Variants in ABI1 observed in about 807,000 individuals in gnomAD.
The protein encoded by ABI1 is abl interactor 1.
In ABI1, 14 loss-of-function variants were observed where a neutral mutation model predicts 54.6. That is an observed-to-expected ratio of 0.26 (90% CI 0.17 to 0.40). The LOEUF is 0.40. ABI1 is among the 10% of genes least tolerant of loss of function. The pLI, the probability that ABI1 is intolerant of heterozygous loss-of-function variation, is 1.00. For synonymous variants in ABI1, 194 were observed against 209.3 expected (o/e 0.93, Z 0.63); for missense variants, 443 against 598.3 (o/e 0.74, Z 2.71).
Position 26,773,215 on chromosome 10 carries a change from C to CTTTTTTTTTTT in ABI1, c.463-2137_463-2127dup, listed in dbSNP as rs58739177. 3.4e-3 allele frequency among the ~76,000 whole-genome samples: 317 copies of CTTTTTTTTTTT among 92,444 alleles called. 69 individuals are homozygous for CTTTTTTTTTTT. Among genetic ancestry groups the CTTTTTTTTTTT allele is most frequent in the Middle Eastern group, 0.013 (2 of 160 alleles). The allele number at this position is 92,444 out of a possible 152,430, so 60.6% of individuals were successfully genotyped here. A position where few individuals can be genotyped will look rare whatever the true frequency, so the allele number is the denominator to read the frequency against. Reference sequence around the variant, plus strand: ...AGGCACTAAATGTCTAATGCTAATTCTTTTTTTTTTTTTGCTGGCTCTGTT... The same window carrying CTTTTTTTTTTT: ...AGGCACTAAATGTCTAATGCTAATTCTTTTTTTTTTTTTTTTTTTTTTTTGCTGGCTCTGTT... On this transcript the variant is annotated intron_variant, in intron 3 of 10. Transcript: ENST00000376140.
chr10:26,820,584 T>C (rs1251707708), intron 2 of ABI1, among the ~76,000 whole-genome samples: 1 of 146,544 alleles, frequency 6.8e-6, no homozygotes, highest in East Asian at 1.9e-4. Flanking sequence ...ATACAGCTAA[T>C]GCACTTTTTT....
chr10:26,801,373 C>A (rs1355521677), intron 2 of ABI1, among the ~76,000 whole-genome samples: 1 of 151,934 alleles, frequency 6.6e-6, no homozygotes, highest in East Asian at 1.9e-4. Context: ...ATGGCAAAAC[C>A]CTGTCTCTAC....
At chr10:26,817,494 G>C (rs1022652899) in intron 2 of ABI1, among the ~76,000 whole-genome samples, 1 of 152,092 alleles carries the variant, frequency 6.6e-6, no homozygotes, top group Non-Finnish European at 1.5e-5. Context: ...AAAATAAGCT[G>C]GGCACAATGG....
At chr10:26,808,838 C>G (rs2047040542) in intron 2 of ABI1, among the ~76,000 whole-genome samples, 1 of 148,388 alleles carries the variant, frequency 6.7e-6, no homozygotes, top group African/African-American at 2.5e-5. Flanking sequence ...GGGGAGGGGA[C>G]AGGGAGGGGA....
chr10:26,849,123 G>C (rs576179064), intron 1 of ABI1, among the ~76,000 whole-genome samples: 3 of 152,132 alleles, frequency 2.0e-5, no homozygotes, highest in Admixed American at 2.0e-4. Flanking sequence ...ACCTTTACAG[G>C]GGGTCCACGA....
At chr10:26,755,802 A>G in intron 8 of ABI1, 61 bp from the exon 9 acceptor site, 4 of 1,250,008 alleles carry the variant, frequency 3.2e-6, no homozygotes, top group Non-Finnish European at 4.6e-6. Context: ...AAGGAAACAA[A>G]CAAAAAGCAG....
chr10:26,834,019 A>G (rs558132122), intron 1 of ABI1, among the ~76,000 whole-genome samples: 1 of 152,258 alleles, frequency 6.6e-6, no homozygotes, highest in East Asian at 1.9e-4. Flanking sequence ...ACCTGAGGTC[A>G]GGAGTTTTGA....
rs2051190231 is a variant in ABI1, at chr10:26,860,233, C to T, written c.117+514G>A. ...AACTGACATAATCGCCCCCACCCCA[C>T]CCTCCGCCGACACACAACACACACC... On this transcript the variant is annotated intron_variant, in intron 1 of 10. Transcript: ENST00000376140. The surrounding 1 kb of genome is among the most constrained non-coding windows in gnomAD (Gnocchi z 4.1). Among the ~76,000 whole-genome samples, 1 of 152,134 alleles carries T rather than the reference C, an allele frequency of 6.6e-6. No individual in the cohort carries two copies.
chr10:26,771,871 A>G (rs1840737032), intron 3 of ABI1, among the ~76,000 whole-genome samples: 1 of 152,188 alleles, frequency 6.6e-6, no homozygotes, highest in Non-Finnish European at 1.5e-5. Context: ...AAAGCTGACT[A>G]GCCTACACAA....
In ABI1 at chr10:26,769,473, AT is replaced by A. The variant is rs925501497; in HGVS notation, c.579-482del. On this transcript the variant is annotated intron_variant, in intron 5 of 10. Transcript: ENST00000376140. Reference sequence around the variant, plus strand: ...TTCGACTATTCTGTTTAATAACTTCATTTTTTTTTTCAGGGGCAGAGGGTTT... The same window carrying A: ...TTCGACTATTCTGTTTAATAACTTCATTTTTTTTTCAGGGGCAGAGGGTTT... Among the ~76,000 whole-genome samples, 369 of 149,648 alleles carry A rather than the reference AT, an allele frequency of 2.5e-3. 3 individuals are homozygous for A. The highest frequency in any genetic ancestry group is 2.7e-3 in the African/African-American group (111 of 40,906).
At chr10:26,858,250 C>T (rs1044002702) in intron 1 of ABI1, among the ~76,000 whole-genome samples, 8 of 152,090 alleles carry the variant, frequency 5.3e-5, no homozygotes, top group African/African-American at 1.7e-4. Context: ...CCTCAACAGA[C>T]ACCCTAATGG....
At chr10:26,822,706 G>A (rs2048060730) in intron 2 of ABI1, among the ~76,000 whole-genome samples, 1 of 152,110 alleles carries the variant, frequency 6.6e-6, no homozygotes, top group Non-Finnish European at 1.5e-5. Flanking sequence ...CAAGAGGGAG[G>A]GATTACGTAG....
chr10:26,776,974 T>G, intron 3 of ABI1, 91 bp downstream of exon 3: 1 of 1,137,388 alleles, frequency 8.8e-7, no homozygotes, highest in Non-Finnish European at 1.2e-6. Context: ...CTAAAGAGAA[T>G]CTATTAAAAT....
chr10:26,760,154 ACTT>A (rs1440149241), intron 7 of ABI1, among the ~76,000 whole-genome samples: 8 of 152,118 alleles, frequency 5.3e-5, no homozygotes, highest in Non-Finnish European at 1.2e-4. Context: ...AAATATTAAT[ACTT>A]AACATTGTAT....
At chr10:26,828,965 G>A (rs1432219624) in intron 1 of ABI1, among the ~76,000 whole-genome samples, 1 of 152,184 alleles carries the variant, frequency 6.6e-6, no homozygotes, top group South Asian at 2.1e-4. Context: ...GGTGGCTCAC[G>A]CCTGTAATCC....
rs750318093 is a variant in ABI1 at position 26,819,758 on chromosome 10, G to A, written c.285+3380C>T. On this transcript the variant is annotated intron_variant, in intron 2 of 10. Transcript: ENST00000376140. Reference sequence around the variant, plus strand: ...TAGCCAAGACACAGCATCAATCTAGGTGTCTATCAATGGATGAATAGGAAA... The same window carrying A: ...TAGCCAAGACACAGCATCAATCTAGATGTCTATCAATGGATGAATAGGAAA... 7.8e-4 allele frequency among the ~76,000 whole-genome samples: 119 copies of A among 152,138 alleles called. 3 individuals are homozygous for A. Among genetic ancestry groups the A allele is most frequent in the Non-Finnish European group, 1.6e-4 (11 of 68,030 alleles).
intron 7 of ABI1, among the ~76,000 whole-genome samples, chr10:26,759,527 T>C (rs1838829037): frequency 1.3e-5 from 2 of 152,154 alleles, no homozygotes; most frequent in Admixed American, 6.6e-5. Context: ...ATATGATATA[T>C]AAATTTTTTG....
At chr10:26,853,234 C>CAAAA (rs35205764) in intron 1 of ABI1, among the ~76,000 whole-genome samples, 57 of 85,492 alleles carry the variant, frequency 6.7e-4, no homozygotes, top group African/African-American at 1.5e-3. Flanking sequence ...GACTCCATCT[C>CAAAA]AAAAAAAAAA....
At chr10:26,803,083 G>T (rs1206913969) in intron 2 of ABI1, among the ~76,000 whole-genome samples, 1 of 152,180 alleles carries the variant, frequency 6.6e-6, no homozygotes, top group African/African-American at 2.4e-5. Flanking sequence ...AGACAATTAA[G>T]ACGAAGCCTA....
Sources: gnomAD v4.1 joint callset for allele counts (sites outside exome capture counted in the v4.1 genomes callset) on GRCh38, gnomAD v4.1.1 for gene constraint, Gnocchi (gnomAD v3.1) non-coding constraint, MANE v1.5 for transcripts, NCBI Gene and HGNC (gene_info 2026-07-23, HGNC 2026-07-21) for gene names.